PCDHAC1: variants seen among roughly 807,000 people sequenced by gnomAD.
The protein encoded by PCDHAC1 is protocadherin alpha subfamily C, 1, also known as protocadherin alpha-C1.
PCDHAC1 carries 42 observed loss-of-function variants against 60.0 expected under a neutral mutation model. The ratio of observed to expected loss-of-function variants is 0.70; its 90% CI spans 0.55 to 0.90. PCDHAC1 has a LOEUF of 0.90. PCDHAC1 is among the 40% of genes least tolerant of loss of function. The pLI, the probability that PCDHAC1 is intolerant of heterozygous loss-of-function variation, is 0.00. For missense variants in PCDHAC1, 1,160 were observed against 1,222.3 expected (o/e 0.95, Z 0.76); for synonymous variants, 468 against 499.3 (o/e 0.94, Z 0.84).
At chr5:140,939,965 C>T (rs565275285) in intron 1 of PCDHAC1, among the ~76,000 whole-genome samples, 1 of 152,100 alleles carries the variant, frequency 6.6e-6, no homozygotes, top group African/African-American at 2.4e-5. Context: ...TAAAGTGTTC[C>T]ACGATGAATA....
intron 3 of PCDHAC1, among the ~76,000 whole-genome samples, chr5:140,987,154 C>T (rs1404083891): frequency 6.6e-6 from 1 of 150,704 alleles, no homozygotes; most frequent in Non-Finnish European, 1.5e-5. Flanking sequence ...GTGGAGGTTG[C>T]AGTGAGCTGA....
At chr5:140,963,437 A>G (rs1218824827) in intron 1 of PCDHAC1, among the ~76,000 whole-genome samples, 2 of 152,144 alleles carry the variant, frequency 1.3e-5, no homozygotes, top group African/African-American at 4.8e-5. Context: ...CTAACTTCAT[A>G]CTCTGTTGCT....
chr5:140,945,182 A>G (rs2093754559), intron 1 of PCDHAC1, among the ~76,000 whole-genome samples: 1 of 152,174 alleles, frequency 6.6e-6, no homozygotes, highest in Non-Finnish European at 1.5e-5. Context: ...ATAAATCAAG[A>G]AAACCATGCT....
At chr5:140,957,781 TTCA>T (rs2095383587) in intron 1 of PCDHAC1, among the ~76,000 whole-genome samples, 1 of 152,072 alleles carries the variant, frequency 6.6e-6, no homozygotes, top group African/African-American at 2.4e-5. Context: ...AAAAACTAAG[TTCA>T]TCATATATGT....
intron 1 of PCDHAC1, among the ~76,000 whole-genome samples, chr5:140,948,548 A>G (rs1300192349): frequency 6.6e-6 from 1 of 151,532 alleles, no homozygotes; most frequent in Non-Finnish European, 1.5e-5. Flanking sequence ...TGCTCTGTCA[A>G]TTTTGTTAAG....
intron 1 of PCDHAC1, among the ~76,000 whole-genome samples, chr5:140,954,933 CTT>C (rs2095111807): frequency 6.6e-6 from 1 of 152,044 alleles, no homozygotes; most frequent in East Asian, 1.9e-4. Flanking sequence ...TTTAATTAAT[CTT>C]GAGTTAATTT....
At chr5:140,958,510 G>A (rs1476919397) in intron 1 of PCDHAC1, among the ~76,000 whole-genome samples, 1 of 152,114 alleles carries the variant, frequency 6.6e-6, no homozygotes, top group Non-Finnish European at 1.5e-5. Flanking sequence ...AGGCATGGCT[G>A]TCCAATATAT....
rs782355791 is a variant in PCDHAC1, at chr5:140,982,576, G to A, written c.2581+13G>A. The A allele has an allele frequency of 5.6e-6, 9 of 1,613,152 alleles. No homozygotes were observed. In the Admixed American group the frequency reaches 6.7e-5, roughly 12 times the overall value. ...AGTGCAACACCAGGTAAAGAGCTGG[G>A]GTCTCTCCATTCTTTCTTGGTTTCT... On this transcript the variant is annotated intron_variant, in intron 3 of 3. Transcript: ENST00000253807.
chr5:140,962,389 G>A (rs551530521), intron 1 of PCDHAC1, among the ~76,000 whole-genome samples: 3 of 152,170 alleles, frequency 2.0e-5, no homozygotes, highest in African/African-American at 4.8e-5. Context: ...TTAATATTAC[G>A]CAATCTGCCC....
rs144072974 is a variant in PCDHAC1 at position 140,938,897 on chromosome 5, G to GCA, written c.2433+9584_2433+9585dup. 1.4e-3 allele frequency among the ~76,000 whole-genome samples: 215 copies of GCA among 151,312 alleles called. 3 individuals carry two copies. The East Asian group carries it at 0.032, about 22-fold the overall frequency. Reference sequence around the variant, plus strand: ...AAGCAACACACACACACACAGATGCGCACACACACACACGCACAAGAAATT... The same window carrying GCA: ...AAGCAACACACACACACACAGATGCGCACACACACACACACGCACAAGAAATT... On this transcript the variant is annotated intron_variant, in intron 1 of 3. Coordinates refer to ENST00000253807, the MANE Select transcript of PCDHAC1 (RefSeq NM_018898.5).
intron 1 of PCDHAC1, among the ~76,000 whole-genome samples, chr5:140,938,635 G>A (rs1361017966): frequency 6.6e-6 from 1 of 151,982 alleles, no homozygotes; most frequent in Non-Finnish European, 1.5e-5. Context: ...TGCTTATGAT[G>A]TATAATCCTT....
intron 1 of PCDHAC1, among the ~76,000 whole-genome samples, chr5:140,948,880 C>G (rs1430288840): frequency 6.6e-6 from 1 of 151,410 alleles, no homozygotes; most frequent in Non-Finnish European, 1.5e-5. Flanking sequence ...TTACTTTGCT[C>G]TCTTTTAGAT....
intron 3 of PCDHAC1, among the ~76,000 whole-genome samples, chr5:141,001,942 TAAG>T (rs140166770): frequency 0.017 from 2,515 of 151,936 alleles, 63 homozygotes; most frequent in African/African-American, 0.058. Context: ...TGAGCGGAAA[TAAG>T]GAGGAGGGAG....
intron 1 of PCDHAC1, among the ~76,000 whole-genome samples, chr5:140,938,121 A>T (rs981387543): frequency 2.0e-5 from 3 of 151,892 alleles, no homozygotes; most frequent in Admixed American, 6.6e-5. Context: ...CTCTTTTTTT[A>T]AAAAAATAGA....
chr5:140,936,079 G>T (rs1341534865), intron 1 of PCDHAC1, among the ~76,000 whole-genome samples: 2 of 152,008 alleles, frequency 1.3e-5, no homozygotes, highest in African/African-American at 4.8e-5. Context: ...TTTTAGTAGA[G>T]ACAGGGTTTC....
chr5:140,941,185 C>CTTT (rs782102770), intron 1 of PCDHAC1, among the ~76,000 whole-genome samples: 77 of 102,238 alleles, frequency 7.5e-4, no homozygotes, highest in Admixed American at 3.0e-3. Flanking sequence ...CATCCTGCTT[C>CTTT]TTTTTTTTTC....
intron 1 of PCDHAC1, among the ~76,000 whole-genome samples, chr5:140,978,436 G>A (rs190191755): frequency 6.6e-6 from 1 of 152,348 alleles, no homozygotes; most frequent in East Asian, 1.9e-4. Flanking sequence ...AGTTGCTGGT[G>A]TTATGACTGG....
At position 140,927,458 on chromosome 5, in the gene PCDHAC1, AAG is replaced by A; in HGVS notation, c.567_568del (p.Lys189AsnfsTer39). ...GAATACCCGGAGTTGGTGTTGGAGA[AAG>A]CACTGGATCGCGAACAGCGCGCCAC... On this transcript the variant is annotated frameshift_variant, in exon 1 of 4. Coordinates refer to ENST00000253807, the MANE Select transcript of PCDHAC1 (RefSeq NM_018898.5). LOFTEE classifies it high-confidence loss of function. The A allele has an allele frequency of 6.2e-7, 1 of 1,614,124 alleles. No homozygotes were observed. Among genetic ancestry groups the A allele is most frequent in the Non-Finnish European group, 8.5e-7 (1 of 1,180,020 alleles).
At position 141,000,188 on chromosome 5, in the gene PCDHAC1, A is replaced by G. The variant is rs182049578; in HGVS notation, c.2582-9439A>G. 8.6e-3 allele frequency among the ~76,000 whole-genome samples: 1,302 copies of G among 151,928 alleles called. 5 individuals carry two copies. Among genetic ancestry groups the G allele is most frequent in the Middle Eastern group, 0.017 (5 of 294 alleles). ...ATTATTGAGCCAAGGAGTCAATGTG[A>G]GAATAGTTTTTCACCTTCATTATCA... is the stretch of plus-strand genomic sequence containing the variant. On this transcript the variant is annotated intron_variant, in intron 3 of 3. Coordinates refer to ENST00000253807, the MANE Select transcript of PCDHAC1 (RefSeq NM_018898.5).
Sources: allele counts gnomAD v4.1 joint callset (sites outside exome capture counted in the v4.1 genomes callset), GRCh38; gene constraint gnomAD v4.1.1; transcripts MANE v1.5; gene names NCBI Gene and HGNC (gene_info 2026-07-23, HGNC 2026-07-21).